Variants in ST3GAL2 observed in about 807,000 individuals in gnomAD.
The protein encoded by ST3GAL2 is ST3 beta-galactoside alpha-2,3-sialyltransferase 2.
A neutral mutation model predicts 37.5 loss-of-function variants in ST3GAL2; 16 were observed. The ratio of observed to expected loss-of-function variants is 0.43; its 90% CI spans 0.29 to 0.65. The LOEUF is 0.65. Among genes scored for constraint, ST3GAL2 ranks in the 30% least tolerant of loss-of-function variants. The pLI is 0.17. For missense variants in ST3GAL2, 383 were observed against 487.8 expected (o/e 0.79, Z 2.02); for synonymous variants, 238 against 202.9 (o/e 1.17, Z -1.47).
Position 70,379,856 on chromosome 16 carries a change from T to C in ST3GAL2, c.*1833A>G, listed in dbSNP as rs2047383256. 1 of 151,590 alleles carries C rather than the reference T, an allele frequency of 6.6e-6. No homozygotes were observed. Among genetic ancestry groups the C allele is most frequent in the South Asian group, 2.1e-4 (1 of 4,816 alleles). 9.4% of individuals were successfully genotyped at this position (151,590 alleles called of 1,614,324 possible). A position where few individuals can be genotyped will look rare whatever the true frequency, so the allele number is the denominator to read the frequency against. ...CATATTGGCCAGGCTGGTCTCGAAC[T>C]CCTGACCTTAAGTATTAAGTAATCC... On this transcript the variant is annotated 3_prime_UTR_variant, in exon 7 of 7. Coordinates refer to ENST00000342907, the MANE Select transcript of ST3GAL2 (RefSeq NM_006927.4).
intron 1 of ST3GAL2, chr16:70,399,792 C>A: frequency 5.0e-6 from 1 of 201,656 alleles, no homozygotes; most frequent in Non-Finnish European, 9.9e-6. Flanking sequence ...TTCCCTAAGC[C>A]ACATGCTTTC....
At chr16:70,427,965 C>T (rs1204508864) in intron 1 of ST3GAL2, among the ~76,000 whole-genome samples, 1 of 152,198 alleles carries the variant, frequency 6.6e-6, no homozygotes, top group East Asian at 1.9e-4. Flanking sequence ...CATTAGATCC[C>T]CATCTCTAAT....
intron 1 of ST3GAL2, among the ~76,000 whole-genome samples, chr16:70,435,014 T>C (rs2047815569): frequency 6.6e-6 from 1 of 152,202 alleles, no homozygotes; most frequent in African/African-American, 2.4e-5. Context: ...GGCAGGACTT[T>C]ACTTGGCAGG....
intron 6 of ST3GAL2, among the ~76,000 whole-genome samples, chr16:70,382,268 A>G (rs539714820): frequency 4.3e-4 from 65 of 151,194 alleles, no homozygotes; most frequent in Non-Finnish European, 8.7e-4. Context: ...TACACTCTCC[A>G]TTCTATTTAT....
In ST3GAL2 at chr16:70,380,928, C is replaced by G. The variant is rs2047397114; in HGVS notation, c.*761G>C. ...AGGAGGCCTCCGGCCCAGGGAGAGG[C>G]GCTGAGAAGGCTGCGGGTGAACGGG... On this transcript the variant is annotated 3_prime_UTR_variant, in exon 7 of 7. Transcript: ENST00000342907. 2 of 153,716 alleles carry G rather than the reference C, an allele frequency of 1.3e-5. No individual in the cohort carries two copies. Among genetic ancestry groups the G allele is most frequent in the Non-Finnish European group, 2.9e-5 (2 of 69,204 alleles). The allele number at this position is 153,716 out of a possible 1,614,324, so 9.5% of individuals were successfully genotyped here. A position where few individuals can be genotyped will look rare whatever the true frequency, so the allele number is the denominator to read the frequency against.
At chr16:70,411,340 AGATCACACCTTC>A (rs2047636681) in intron 1 of ST3GAL2, among the ~76,000 whole-genome samples, 1 of 151,908 alleles carries the variant, frequency 6.6e-6, no homozygotes, top group Non-Finnish European at 1.5e-5. Context: ...GGCGGAGCGG[AGATCACACCTTC>A]CAGCCTGGAT....
chr16:70,408,928 GAAAGAAAAAAT>G (rs2047615258), intron 1 of ST3GAL2, among the ~76,000 whole-genome samples: 7 of 60,506 alleles, frequency 1.2e-4, no homozygotes, highest in East Asian at 4.9e-4. Flanking sequence ...AAAAAAAAAA[GAAAGAAAAAAT>G]AAAGAAACGG....
At chr16:70,413,146 A>T (rs2047650638) in intron 1 of ST3GAL2, among the ~76,000 whole-genome samples, 2 of 152,062 alleles carry the variant, frequency 1.3e-5, no homozygotes, top group Admixed American at 1.3e-4. Flanking sequence ...GCTACTCGGG[A>T]GGCTGAGACA....
intron 1 of ST3GAL2, among the ~76,000 whole-genome samples, chr16:70,411,857 G>A (rs1040973565): frequency 6.6e-6 from 1 of 152,058 alleles, no homozygotes; most frequent in South Asian, 2.1e-4. Context: ...AGCTGGGTGT[G>A]GTGGCGGATG....
At chr16:70,386,765 C>G (rs1463706750) in intron 4 of ST3GAL2, among the ~76,000 whole-genome samples, 1 of 152,080 alleles carries the variant, frequency 6.6e-6, no homozygotes, top group Admixed American at 6.5e-5. Flanking sequence ...CCTGTCTCAG[C>G]GTCCTGAGTA....
chr16:70,382,847 C>A lies in ST3GAL2; in HGVS notation c.837G>T (p.Thr279=), dbSNP rs749327464. The stretch of plus-strand genomic sequence containing the variant: ...GGGCAAAGAAAAGCACCAGCATCCC[C>A]GTGGAAGGGTACCGCCCGTGATGCT... ...WTEHHGRYPS[T]GMLVLFFALH... The change falls in exon 6 of 7, where the codon ACG becomes ACT. Residue 279 remains threonine (T), a synonymous_variant. Coordinates refer to ENST00000342907, the MANE Select transcript of ST3GAL2 (RefSeq NM_006927.4). 6.2e-7 allele frequency: 1 copy of A among 1,614,138 alleles called. No individual in the cohort carries two copies. Among genetic ancestry groups the A allele is most frequent in the Non-Finnish European group, 8.5e-7 (1 of 1,180,012 alleles).
At position 70,398,781 on chromosome 16, in the gene ST3GAL2, G is replaced by A. The variant is rs1163366343; in HGVS notation, c.-251C>T. On this transcript the variant is annotated 5_prime_UTR_variant, in exon 2 of 7. In the 5' UTR this introduces an upstream ATG that the reference lacks. Transcript: ENST00000342907. ...GCTTAGGGCTTCATCGGGTCTCTCC[G>A]TCACTAGCTAGGCCACAGAGGCTCT... The A allele has an allele frequency of 1.7e-5, 10 of 584,038 alleles. No individual in the cohort carries two copies. Among genetic ancestry groups the A allele is most frequent in the Middle Eastern group, 4.5e-4 (1 of 2,228 alleles). 36.2% of individuals were successfully genotyped at this position (584,038 alleles called of 1,614,324 possible). A position where few individuals can be genotyped will look rare whatever the true frequency, so the allele number is the denominator to read the frequency against.
chr16:70,412,245 C>T (rs754133753), intron 1 of ST3GAL2, among the ~76,000 whole-genome samples: 1 of 152,192 alleles, frequency 6.6e-6, no homozygotes, highest in Non-Finnish European at 1.5e-5. Context: ...AGGAGCTTCT[C>T]TAAGACATTC....
intron 1 of ST3GAL2, chr16:70,423,174 C>T (rs2047727162): frequency 6.6e-6 from 1 of 152,220 alleles, no homozygotes; most frequent in African/African-American, 2.4e-5. Flanking sequence ...ACACAGATCT[C>T]CCCCCGGGCC....
intron 1 of ST3GAL2, among the ~76,000 whole-genome samples, chr16:70,415,576 T>A (rs1017262622): frequency 6.6e-6 from 1 of 151,906 alleles, no homozygotes; most frequent in Non-Finnish European, 1.5e-5. Flanking sequence ...CTCAGCCTCC[T>A]GAGTAGCTGG....
At chr16:70,427,355 T>TC (rs1567677667) in intron 1 of ST3GAL2, among the ~76,000 whole-genome samples, 1 of 150,862 alleles carries the variant, frequency 6.6e-6, no homozygotes. Context: ...TTTTTTTTTT[T>TC]TGAGACTGAA....
intron 1 of ST3GAL2, among the ~76,000 whole-genome samples, chr16:70,419,372 AAGAG>A (rs2047698421): frequency 6.6e-6 from 1 of 152,232 alleles, no homozygotes; most frequent in Non-Finnish European, 1.5e-5. Context: ...AATACCAGGA[AAGAG>A]GTCACAATCC....
chr16:70,377,319 A>G lies in ST3GAL2; in HGVS notation c.*4370T>C, dbSNP rs2047356412. ...AACATGGAGAAACCCCGTCTCTACTAAAAATACAAAATTAGCCGGGCGTGG... is the reference window on the plus strand; with the variant it reads ...AACATGGAGAAACCCCGTCTCTACTGAAAATACAAAATTAGCCGGGCGTGG... On this transcript the variant is annotated 3_prime_UTR_variant, in exon 7 of 7. Transcript: ENST00000342907. 1 of 151,540 alleles carries G rather than the reference A, an allele frequency of 6.6e-6. No homozygotes were observed. The highest frequency in any genetic ancestry group is 1.5e-5 in the Non-Finnish European group (1 of 67,958). 9.4% of individuals were successfully genotyped at this position (151,540 alleles called of 1,614,324 possible). A position where few individuals can be genotyped will look rare whatever the true frequency, so the allele number is the denominator to read the frequency against.
At chr16:70,394,904 G>A in intron 3 of ST3GAL2, 78 bp downstream of exon 3, 4 of 1,518,864 alleles carry the variant, frequency 2.6e-6, no homozygotes, top group South Asian at 1.2e-5. Context: ...CATGCACCCT[G>A]CCAGACAAGG....
Sources: allele counts gnomAD v4.1 joint callset (sites outside exome capture counted in the v4.1 genomes callset), GRCh38; gene constraint gnomAD v4.1.1; transcripts MANE v1.5; gene names NCBI Gene and HGNC (gene_info 2026-07-23, HGNC 2026-07-21).